The following CHSY3 variants were observed in gnomAD, a reference collection of about 807,000 sequenced individuals.
CHSY3 encodes chondroitin sulfate synthase 3.
CHSY3 carries 35 observed loss-of-function variants against 67.2 expected under a neutral mutation model. The observed-to-expected ratio is 0.52, with a 90% CI of 0.40 to 0.69. CHSY3 has a LOEUF of 0.69. Ranked by LOEUF, CHSY3 falls within the 30% of genes least tolerant of loss-of-function variation. The probability of loss-of-function intolerance (pLI) is 0.00; values close to 1 mark genes in which losing one functional copy is unlikely to be tolerated. For missense variants in CHSY3, 1,069 were observed against 1,138.5 expected (o/e 0.94, Z 0.88); for synonymous variants, 474 against 434.7 (o/e 1.09, Z -1.12).
chr5:129,978,848 T>G (rs1425984025), intron 2 of CHSY3, among the ~76,000 whole-genome samples: 1 of 152,184 alleles, frequency 6.6e-6, no homozygotes. Context: ...CTGTAATTAT[T>G]TATTTATACT....
chr5:130,097,432 A>G (rs1173806561), intron 2 of CHSY3, among the ~76,000 whole-genome samples: 2 of 152,296 alleles, frequency 1.3e-5, no homozygotes, highest in Admixed American at 1.3e-4. Flanking sequence ...TACTCTTAGC[A>G]TGTCACAGAT....
At chr5:129,906,731 T>C (rs1420118822) in intron 1 of CHSY3, among the ~76,000 whole-genome samples, 2 of 152,196 alleles carry the variant, frequency 1.3e-5, no homozygotes, top group Admixed American at 6.5e-5. Flanking sequence ...TTTCCACATT[T>C]CCTTGCTTCC....
chr5:130,178,063 A>G (rs1010753674), intron 2 of CHSY3, among the ~76,000 whole-genome samples: 1 of 150,350 alleles, frequency 6.7e-6, no homozygotes, highest in Non-Finnish European at 1.5e-5. Flanking sequence ...TGGTTTTTCT[A>G]CATATGTACT....
At chr5:130,157,208 A>T (rs1390002023) in intron 2 of CHSY3, among the ~76,000 whole-genome samples, 1 of 152,214 alleles carries the variant, frequency 6.6e-6, no homozygotes, top group Non-Finnish European at 1.5e-5. Context: ...TAATAGAATA[A>T]ATGTTAGTTA....
intron 2 of CHSY3, among the ~76,000 whole-genome samples, chr5:130,172,316 TTTTCTTTTC>T (rs145674779): frequency 0.77 from 96,966 of 126,448 alleles, 35,615 homozygotes; most frequent in Middle Eastern, 0.85. Context: ...TTTTCTTTTC[TTTTCTTTTC>T]TTTTTTTTTT....
chr5:130,130,928 A>G (rs1423639705), intron 2 of CHSY3, among the ~76,000 whole-genome samples: 1 of 152,138 alleles, frequency 6.6e-6, no homozygotes, highest in Non-Finnish European at 1.5e-5. Context: ...CTATCTGGGT[A>G]TGATTCTCCA....
chr5:130,060,660 G>C (rs1332270613), intron 2 of CHSY3, among the ~76,000 whole-genome samples: 2 of 152,006 alleles, frequency 1.3e-5, no homozygotes, highest in African/African-American at 4.8e-5. Flanking sequence ...ACCTAGAGAA[G>C]CTAAAGACTC....
At chr5:129,953,400 T>C (rs1054220166) in intron 2 of CHSY3, among the ~76,000 whole-genome samples, 5 of 152,184 alleles carry the variant, frequency 3.3e-5, no homozygotes, top group African/African-American at 9.6e-5. Flanking sequence ...TTGGGTTGGT[T>C]CCAAGTCTTT....
At chr5:130,138,129 G>T (rs1266539461) in intron 2 of CHSY3, among the ~76,000 whole-genome samples, 2 of 152,136 alleles carry the variant, frequency 1.3e-5, no homozygotes, top group Non-Finnish European at 2.9e-5. Flanking sequence ...TAGCAATTTT[G>T]TAACTCTTGC....
intron 2 of CHSY3, among the ~76,000 whole-genome samples, chr5:130,103,224 T>A (rs948374353): frequency 6.6e-6 from 1 of 152,048 alleles, no homozygotes; most frequent in African/African-American, 2.4e-5. Flanking sequence ...TTGTTTAGCC[T>A]TGTGGCCAAA....
intron 2 of CHSY3, among the ~76,000 whole-genome samples, chr5:130,122,279 T>C (rs746327279): frequency 1.3e-5 from 2 of 152,192 alleles, no homozygotes; most frequent in Non-Finnish European, 2.9e-5. Flanking sequence ...TATATAATTA[T>C]TAGAGTAAAT....
Position 130,094,515 on chromosome 5 carries a change from T to G in CHSY3, c.1087-89714T>G, listed in dbSNP as rs1235230312. 5.9e-5 allele frequency among the ~76,000 whole-genome samples: 9 copies of G among 152,172 alleles called. No homozygotes were observed. The South Asian group carries it at 1.7e-3, about 28-fold the overall frequency. ...GGATATTGAAGTAAAAGCTTGTTTT[T>G]GTCTGGTGTCAGGAGTGAAGAGTTT... is the stretch of plus-strand genomic sequence containing the variant. On this transcript the variant is annotated intron_variant, in intron 2 of 2. Transcript: ENST00000305031.
chr5:129,948,677 C>A (rs1392107514), intron 2 of CHSY3, among the ~76,000 whole-genome samples: 2 of 152,152 alleles, frequency 1.3e-5, no homozygotes, highest in Non-Finnish European at 2.9e-5. Context: ...CATATAATGA[C>A]TTCCTTTTCT....
At chr5:130,057,900 C>CAGAGAG (rs141613378) in intron 2 of CHSY3, among the ~76,000 whole-genome samples, 24 of 149,216 alleles carry the variant, frequency 1.6e-4, no homozygotes, top group South Asian at 1.1e-3. Flanking sequence ...TACATGCACA[C>CAGAGAG]AGAGAGAGAG....
At chr5:130,074,758 G>GA (rs1236315591) in intron 2 of CHSY3, among the ~76,000 whole-genome samples, 1 of 152,058 alleles carries the variant, frequency 6.6e-6, no homozygotes, top group African/African-American at 2.4e-5. Context: ...AATACTGACA[G>GA]AAAAAATTAC....
chr5:130,043,839 CTT>C (rs1765070745), intron 2 of CHSY3, among the ~76,000 whole-genome samples: 1 of 152,038 alleles, frequency 6.6e-6, no homozygotes, highest in African/African-American at 2.4e-5. Context: ...AAAAGGTTGA[CTT>C]TTGGATTTAA....
chr5:130,101,655 T>C (rs1767250518), intron 2 of CHSY3, among the ~76,000 whole-genome samples: 1 of 152,166 alleles, frequency 6.6e-6, no homozygotes, highest in African/African-American at 2.4e-5. Flanking sequence ...TTATTAACTA[T>C]AGTCACCATG....
At chr5:130,056,918 CTTTTTTTT>C (rs58326964) in intron 2 of CHSY3, among the ~76,000 whole-genome samples, 41 of 56,118 alleles carry the variant, frequency 7.3e-4, no homozygotes, top group South Asian at 3.0e-3. Context: ...GCATTTCTTT[CTTTTTTTT>C]TTTTTTTTTT....
chr5:129,967,605 T>C (rs1762506333), intron 2 of CHSY3, among the ~76,000 whole-genome samples: 1 of 151,874 alleles, frequency 6.6e-6, no homozygotes, highest in Non-Finnish European at 1.5e-5. Context: ...ATATTGACTT[T>C]CATTAAGACT....
Sources: gnomAD v4.1 joint callset for allele counts (sites outside exome capture counted in the v4.1 genomes callset) on GRCh38, gnomAD v4.1.1 for gene constraint, MANE v1.5 for transcripts, NCBI Gene and HGNC (gene_info 2026-07-23, HGNC 2026-07-21) for gene names.